The following ECHDC2 variants were observed in gnomAD, a reference collection of about 807,000 sequenced individuals.
The protein encoded by ECHDC2 is enoyl-CoA hydratase domain containing 2, also known as enoyl-CoA hydratase domain-containing protein 2, mitochondrial.
A neutral mutation model predicts 40.6 loss-of-function variants in ECHDC2; 34 were observed. The ratio of observed to expected loss-of-function variants is 0.84; its 90% CI spans 0.64 to 1.11. The LOEUF is 1.11. Ranked by LOEUF, ECHDC2 falls within the 50% of genes most tolerant of loss-of-function variation. The pLI, the probability that ECHDC2 is intolerant of heterozygous loss-of-function variation, is 0.00. For synonymous variants in ECHDC2, 162 were observed against 166.6 expected, an observed-to-expected ratio of 0.97 and a Z score of 0.21; for missense variants, 392 against 400.7, an observed-to-expected ratio of 0.98 and a Z score of 0.19.
chr1:52,909,118 A>C (rs1369153369), intron 3 of ECHDC2, among the ~76,000 whole-genome samples: 1 of 152,076 alleles, frequency 6.6e-6, no homozygotes, highest in Admixed American at 6.6e-5. Flanking sequence ...CAAACAAAAC[A>C]AAAAGTTGGC....
chr1:52,898,951 C>G, intron 8 of ECHDC2: 1 of 612,470 alleles, frequency 1.6e-6, no homozygotes, highest in Non-Finnish European at 2.9e-6. Context: ...CAATCTCATC[C>G]TCTCTCCAAG....
chr1:52,907,346 G>C (rs540329895), intron 4 of ECHDC2: 1 of 153,452 alleles, frequency 6.5e-6, no homozygotes, highest in East Asian at 1.9e-4. Flanking sequence ...GCCCTGTGCT[G>C]GGTGCTGGGA....
At chr1:52,899,763 G>A (rs1195874381) in intron 7 of ECHDC2, 1 of 159,508 alleles carries the variant, frequency 6.3e-6, no homozygotes, top group Admixed American at 5.8e-5. Flanking sequence ...TAGGAACTTG[G>A]GCTTTCAAGT....
At chr1:52,920,616 G>A in intron 1 of ECHDC2, 1 of 1,023,496 alleles carries the variant, frequency 9.8e-7, no homozygotes, top group Non-Finnish European at 1.5e-6. Context: ...CTGTGCCTAA[G>A]GAGATGGTGA....
At position 52,914,373 on chromosome 1, in the gene ECHDC2, T is replaced by C. The variant is rs747464127; in HGVS notation, c.122-2583A>G. Among the ~76,000 whole-genome samples the C allele has an allele frequency of 6.6e-6, 1 of 152,068 alleles. No homozygotes were observed. Among genetic ancestry groups the C allele is most frequent in the Non-Finnish European group, 1.5e-5 (1 of 67,988 alleles). On this transcript the variant is annotated intron_variant, in intron 1 of 9. Transcript: ENST00000371522. This position sits in a 1 kb window ranked among gnomAD's most constrained non-coding sequence, Gnocchi z 4.0. ...GAGTGCCTGTGTGTGTGCATGCATG[T>C]TGGCAAGGTGCAGGGAAGGGGGCAG...
chr1:52,903,243 ATTGT>A (rs1647103134), intron 7 of ECHDC2, among the ~76,000 whole-genome samples: 1 of 151,882 alleles, frequency 6.6e-6, no homozygotes, highest in Admixed American at 6.6e-5. Flanking sequence ...CTGAGAGGTT[ATTGT>A]TTGAGGATTT....
intron 1 of ECHDC2, 114 bp from the exon 2 acceptor site, chr1:52,911,904 A>T: frequency 6.6e-7 from 1 of 1,510,534 alleles, no homozygotes; most frequent in Non-Finnish European, 8.9e-7. Flanking sequence ...GCCCTAGATG[A>T]CCAGAGTGAC....
chr1:52,905,407 G>A (rs971640760), intron 5 of ECHDC2: 6 of 414,578 alleles, frequency 1.4e-5, no homozygotes, highest in Middle Eastern at 6.5e-4. Context: ...AGGATCACAC[G>A]AGGTACGACG....
intron 3 of ECHDC2, among the ~76,000 whole-genome samples, chr1:52,908,385 C>T (rs1023018415): frequency 6.6e-6 from 1 of 152,012 alleles, no homozygotes; most frequent in Non-Finnish European, 1.5e-5. Context: ...CCTATAATCC[C>T]AGCTACTCAG....
At chr1:52,897,102 A>T in intron 9 of ECHDC2, 1 of 421,958 alleles carries the variant, frequency 2.4e-6, no homozygotes, top group African/African-American at 2.0e-5. Flanking sequence ...GCTACAACCA[A>T]GCCCTTGACC....
chr1:52,907,690 T>G, intron 4 of ECHDC2, 178 bp downstream of exon 4: 2 of 574,316 alleles, frequency 3.5e-6, no homozygotes, highest in South Asian at 4.7e-5. Flanking sequence ...GAGCCAGAAC[T>G]CCCTCTCTGA....
At chr1:52,897,185 C>A in intron 9 of ECHDC2, 1 of 563,804 alleles carries the variant, frequency 1.8e-6, no homozygotes, top group South Asian at 2.2e-5. Flanking sequence ...CTCTTAAGGA[C>A]CTGTGTTCTG....
chr1:52,896,214 T>C lies in ECHDC2; in HGVS notation c.*306A>G. 6.0e-6 allele frequency: 2 copies of C among 330,788 alleles called. No individual in the cohort carries two copies. Among genetic ancestry groups the C allele is most frequent in the Non-Finnish European group, 1.2e-5 (2 of 170,190 alleles). 20.5% of individuals were successfully genotyped at this position (330,788 alleles called of 1,614,324 possible). On this transcript the variant is annotated 3_prime_UTR_variant, in exon 10 of 10. Coordinates refer to ENST00000371522, the MANE Select transcript of ECHDC2 (RefSeq NM_001198961.2). ...GAGGTCAGGGGCTGAGAGCCAATGA[T>C]ACCAAGACTCAGAGAGATCTAATTT...
intron 1 of ECHDC2, chr1:52,913,872 G>C: frequency 9.3e-7 from 1 of 1,078,406 alleles, no homozygotes; most frequent in Non-Finnish European, 1.2e-6. Flanking sequence ...GCTTTGGCAG[G>C]CCCCCATTCT....
intron 7 of ECHDC2, among the ~76,000 whole-genome samples, chr1:52,903,275 A>G (rs533081960): frequency 1.2e-4 from 19 of 152,104 alleles, no homozygotes; most frequent in African/African-American, 4.3e-4. Flanking sequence ...TTTTCTTTCA[A>G]TAGATTTTAG....
chr1:52,903,530 C>T (rs1647129491), intron 7 of ECHDC2, among the ~76,000 whole-genome samples: 1 of 151,794 alleles, frequency 6.6e-6, no homozygotes, highest in African/African-American at 2.4e-5. Flanking sequence ...CTTACTGCAG[C>T]TTTGAATTCA....
chr1:52,898,605 A>G (rs540380937), intron 8 of ECHDC2: 1 of 162,544 alleles, frequency 6.2e-6, no homozygotes, highest in African/African-American at 2.4e-5. Context: ...GCGTGGTACC[A>G]TTATCCTTGA....
intron 1 of ECHDC2, chr1:52,912,780 C>G (rs1013204828): frequency 2.3e-4 from 35 of 152,178 alleles, no homozygotes; most frequent in African/African-American, 8.5e-4. Flanking sequence ...CTCCGCCTCC[C>G]AGGTTCAAGC....
At chr1:52,921,531 C>CG (rs1336538939) in intron 1 of ECHDC2, 22 bp downstream of exon 1, 56 of 1,601,810 alleles carry the variant, frequency 3.5e-5, no homozygotes, top group Non-Finnish European at 4.3e-5. Flanking sequence ...CGTCATGCGC[C>CG]GCCCCGGAAC....
Sources: gnomAD v4.1 joint callset for allele counts (sites outside exome capture counted in the v4.1 genomes callset) on GRCh38, gnomAD v4.1.1 for gene constraint, Gnocchi (gnomAD v3.1) non-coding constraint, MANE v1.5 for transcripts, NCBI Gene and HGNC (gene_info 2026-07-23, HGNC 2026-07-21) for gene names.